Variants in EYS observed in about 807,000 individuals in gnomAD.
EYS encodes the protein protein eyes shut homolog.
In EYS, 250 loss-of-function variants were observed where a neutral mutation model predicts 282.1. The ratio of observed to expected loss-of-function variants is 0.89; its 90% CI spans 0.80 to 0.98. The LOEUF (loss-of-function observed/expected upper bound fraction) is 0.98, where lower values mean the gene tolerates loss of function less well. EYS is among the 50% of genes least tolerant of loss of function. The pLI, the probability that EYS is intolerant of heterozygous loss-of-function variation, is 0.00. For missense variants in EYS, 4,016 were observed against 3,709.0 expected (o/e 1.08, Z -2.15); for synonymous variants, 1,355 against 1,282.9 (o/e 1.06, Z -1.20).
In EYS at chr6:64,793,581, G is replaced by T. The variant is rs1394804776; in HGVS notation, c.3443+19797C>A. ...TGTAACTAGATCACATGCTAGACCT[G>T]ATCAAAATACAGTAAATGTTGTAGC... On this transcript the variant is annotated intron_variant, in intron 22 of 42. Coordinates refer to ENST00000503581, the MANE Select transcript of EYS (RefSeq NM_001142800.2). Among the ~76,000 whole-genome samples, 3 of 152,118 alleles carry T rather than the reference G, an allele frequency of 2.0e-5. No homozygotes were observed. The East Asian group carries it at 5.8e-4, about 29-fold the overall frequency.
At chr6:64,806,437 T>A (rs914908399) in intron 22 of EYS, among the ~76,000 whole-genome samples, 2 of 145,364 alleles carry the variant, frequency 1.4e-5, no homozygotes, top group Non-Finnish European at 2.9e-5. Flanking sequence ...ATCTCAAATA[T>A]TTTTTTTAAC....
intron 26 of EYS, among the ~76,000 whole-genome samples, chr6:64,580,475 A>G (rs1011236938): frequency 3.9e-5 from 6 of 152,154 alleles, no homozygotes; most frequent in Admixed American, 1.3e-4. Flanking sequence ...ATGAGAAGGG[A>G]CTATGAGCAC....
In EYS at chr6:64,305,110, G is replaced by T. The variant is rs1227554786; in HGVS notation, c.6191+1860C>A. Among the ~76,000 whole-genome samples, 4 of 152,304 alleles carry T rather than the reference G, an allele frequency of 2.6e-5. No homozygotes were observed. The East Asian group carries it at 7.7e-4, about 29-fold the overall frequency. Reference sequence around the variant, plus strand: ...AAGAAGACTCAATTAACTGAACTTAGTTGATGATATTGTAAATAAAATTGA... The same window carrying T: ...AAGAAGACTCAATTAACTGAACTTATTTGATGATATTGTAAATAAAATTGA... On this transcript the variant is annotated intron_variant, in intron 30 of 42. Coordinates refer to ENST00000503581, the MANE Select transcript of EYS (RefSeq NM_001142800.2).
intron 12 of EYS, among the ~76,000 whole-genome samples, chr6:65,124,225 A>T (rs1340677794): frequency 6.6e-6 from 1 of 152,156 alleles, no homozygotes; most frequent in Non-Finnish European, 1.5e-5. Flanking sequence ...ATTGAAAGCA[A>T]AAGGGACTTT....
chr6:64,134,224 G>T (rs1395101258), intron 31 of EYS, among the ~76,000 whole-genome samples: 1 of 152,026 alleles, frequency 6.6e-6, no homozygotes, highest in South Asian at 2.1e-4. Flanking sequence ...TTAAGCCAAG[G>T]AATGATAAGA....
chr6:63,910,960 A>C (rs1764229036), intron 35 of EYS, among the ~76,000 whole-genome samples: 1 of 152,124 alleles, frequency 6.6e-6, no homozygotes, highest in African/African-American at 2.4e-5. Context: ...ATTTCTCAGA[A>C]TGACTTCTAT....
intron 11 of EYS, among the ~76,000 whole-genome samples, chr6:65,324,177 C>T (rs1162026677): frequency 1.3e-5 from 2 of 151,766 alleles, no homozygotes; most frequent in Admixed American, 6.6e-5. Context: ...TATCAATTAC[C>T]CCGATTCATT....
At chr6:63,933,468 C>T (rs1333339707) in intron 35 of EYS, among the ~76,000 whole-genome samples, 1 of 152,136 alleles carries the variant, frequency 6.6e-6, no homozygotes, top group Non-Finnish European at 1.5e-5. Context: ...CGGCCTCCCA[C>T]AGTGCTGGGA....
intron 16 of EYS, among the ~76,000 whole-genome samples, chr6:64,910,083 A>G (rs1767947250): frequency 2.0e-5 from 3 of 152,222 alleles, no homozygotes; most frequent in African/African-American, 7.2e-5. Flanking sequence ...TACTCTTACG[A>G]CCTGTCCTAT....
intron 33 of EYS, among the ~76,000 whole-genome samples, chr6:64,057,051 C>G (rs757419237): frequency 1.2e-4 from 18 of 152,122 alleles, no homozygotes; most frequent in Non-Finnish European, 2.1e-4. Context: ...CAGAAATTTA[C>G]TGTGTCTTAT....
chr6:63,722,040 A>C (rs1167313614), intron 42 of EYS, among the ~76,000 whole-genome samples: 1 of 152,112 alleles, frequency 6.6e-6, no homozygotes, highest in Admixed American at 6.6e-5. Context: ...TCATTGAATG[A>C]ATATATTGTG....
intron 29 of EYS, among the ~76,000 whole-genome samples, chr6:64,320,998 T>G (rs902831705): frequency 6.6e-6 from 1 of 151,762 alleles, no homozygotes; most frequent in African/African-American, 2.4e-5. Flanking sequence ...CCCTTACTAT[T>G]ACCCTGATTC....
intron 12 of EYS, among the ~76,000 whole-genome samples, chr6:65,199,734 C>T (rs1765854284): frequency 6.6e-6 from 1 of 151,970 alleles, no homozygotes; most frequent in Non-Finnish European, 1.5e-5. Flanking sequence ...AAAGGAGAAA[C>T]AGGAGTGGTA....
At chr6:65,116,055 T>G (rs1477851005) in intron 12 of EYS, among the ~76,000 whole-genome samples, 1 of 152,168 alleles carries the variant, frequency 6.6e-6, no homozygotes, top group African/African-American at 2.4e-5. Context: ...GCTTGACATC[T>G]AAAACAAATT....
chr6:64,148,519 C>G (rs2150292598), intron 31 of EYS, among the ~76,000 whole-genome samples: 1 of 152,290 alleles, frequency 6.6e-6, no homozygotes, highest in South Asian at 2.1e-4. Flanking sequence ...AATTCTATCT[C>G]ACACATCAAT....
intron 1 of EYS, among the ~76,000 whole-genome samples, chr6:65,666,498 A>G (rs1301678334): frequency 6.6e-6 from 1 of 151,866 alleles, no homozygotes; most frequent in Non-Finnish European, 1.5e-5. Context: ...TAATTACTGT[A>G]GTAATTAAAT....
At chr6:64,411,128 A>G (rs2150443593) in intron 28 of EYS, among the ~76,000 whole-genome samples, 1 of 152,250 alleles carries the variant, frequency 6.6e-6, no homozygotes, top group East Asian at 1.9e-4. Flanking sequence ...TTGAAAAGCC[A>G]TAGTTCTATT....
At chr6:64,564,635 A>G (rs1220778658) in intron 26 of EYS, among the ~76,000 whole-genome samples, 2 of 152,074 alleles carry the variant, frequency 1.3e-5, no homozygotes, top group African/African-American at 4.8e-5. Flanking sequence ...CAGGTTTGTT[A>G]CATAGGTATA....
chr6:65,065,851 C>A (rs1193066454), intron 12 of EYS, among the ~76,000 whole-genome samples: 1 of 152,136 alleles, frequency 6.6e-6, no homozygotes, highest in African/African-American at 2.4e-5. Flanking sequence ...TGTTTTCAAT[C>A]CCCACACTTA....
Sources: gnomAD v4.1 joint callset for allele counts (sites outside exome capture counted in the v4.1 genomes callset) on GRCh38, gnomAD v4.1.1 for gene constraint, MANE v1.5 for transcripts, NCBI Gene and HGNC (gene_info 2026-07-23, HGNC 2026-07-21) for gene names.